Variants in ERLIN1 observed in about 807,000 individuals in gnomAD.
ERLIN1 encodes the protein erlin-1.
Under a neutral mutation model 46.9 loss-of-function variants are expected in ERLIN1, and 24 were observed. The observed-to-expected ratio is 0.51, with a 90% confidence interval of 0.37 to 0.72. ERLIN1 has a LOEUF of 0.72. Among genes scored for constraint, ERLIN1 ranks in the 30% least tolerant of loss-of-function variants. ERLIN1 has a pLI of 0.00. For missense variants in ERLIN1, 293 were observed against 417.9 expected, an observed-to-expected ratio of 0.70 and a Z score of 2.61; for synonymous variants, 158 against 143.2, an observed-to-expected ratio of 1.10 and a Z score of -0.74.
At chr10:100,156,844 T>A (rs1006687869) in intron 8 of ERLIN1, among the ~76,000 whole-genome samples, 1 of 151,924 alleles carries the variant, frequency 6.6e-6, no homozygotes, top group African/African-American at 2.4e-5. Flanking sequence ...GAGACCTCCA[T>A]CTCTAGAAAA....
At chr10:100,183,677 T>G in intron 2 of ERLIN1, 79 bp downstream of exon 2, 1 of 902,250 alleles carries the variant, frequency 1.1e-6, no homozygotes, top group Non-Finnish European at 1.8e-6. Flanking sequence ...AATAAGGAAA[T>G]CTATCTCCAC....
intron 5 of ERLIN1, 27 bp from the exon 6 acceptor site, chr10:100,174,308 T>G (rs565168013): frequency 6.6e-7 from 1 of 1,509,594 alleles, no homozygotes; most frequent in South Asian, 1.2e-5. Flanking sequence ...GAACAACAGA[T>G]CTCATGATAG....
chr10:100,172,397 A>G (rs1345182684), intron 6 of ERLIN1, among the ~76,000 whole-genome samples: 3 of 152,212 alleles, frequency 2.0e-5, no homozygotes, highest in African/African-American at 4.8e-5. Flanking sequence ...TTTATTCTTC[A>G]TCATTTTCCT....
chr10:100,152,823 C>T (rs1342599666), intron 10 of ERLIN1, among the ~76,000 whole-genome samples: 34 of 151,912 alleles, frequency 2.2e-4, no homozygotes, highest in Admixed American at 1.3e-3. Context: ...CCCAAAGTGT[C>T]GGAATCAAAG....
rs1589561903 is a variant in ERLIN1, at chr10:100,183,440, A to G, written c.195+316T>C. Among the ~76,000 whole-genome samples the G allele has an allele frequency of 2.0e-5, 3 of 152,228 alleles. No homozygotes were observed. In the South Asian group the frequency reaches 6.2e-4, roughly 31 times the overall value. On this transcript the variant is annotated intron_variant, in intron 2 of 10. Transcript: ENST00000421367. ...CTAAACCACATAATCACTGGTTTGT[A>G]TGTCTAGTTGTGTTTCTAATTCTTA...
intron 8 of ERLIN1, 76 bp from the exon 9 acceptor site, chr10:100,156,310 A>G (rs944598161): frequency 1.2e-6 from 1 of 847,966 alleles, no homozygotes; most frequent in African/African-American, 1.7e-5. Flanking sequence ...CCAGCAGCAC[A>G]CAGTCTAACA....
chr10:100,185,924 G>C lies in ERLIN1; in HGVS notation c.-298C>G, dbSNP rs1005217088. The C allele has an allele frequency of 2.2e-6, 1 of 454,438 alleles. No individual in the cohort carries two copies. The highest frequency in any genetic ancestry group is 3.9e-6 in the Non-Finnish European group (1 of 258,016). The allele number at this position is 454,438 out of a possible 1,614,324, so 28.2% of individuals were successfully genotyped here. On this transcript the variant is annotated 5_prime_UTR_variant, in exon 1 of 11. Transcript: ENST00000421367. ...CTAACTGAGAAGAAGCCCAGCCGCA[G>C]GCTCGCGAGGAAAGCCGACCCCTCG...
At chr10:100,175,924 C>A in intron 5 of ERLIN1, 21 bp downstream of exon 5, 1 of 1,608,054 alleles carries the variant, frequency 6.2e-7, no homozygotes, top group Non-Finnish European at 8.5e-7. Flanking sequence ...TATTTACATA[C>A]ATAAGAATTA....
intron 6 of ERLIN1, among the ~76,000 whole-genome samples, chr10:100,173,479 A>G (rs1342664243): frequency 6.6e-6 from 1 of 152,106 alleles, no homozygotes; most frequent in Non-Finnish European, 1.5e-5. Flanking sequence ...ATTCTATTCC[A>G]TTTTATTTAA....
In ERLIN1 at chr10:100,172,834, G is replaced by T. The variant is rs145652665; in HGVS notation, c.504+1374C>A. Among the ~76,000 whole-genome samples the T allele has an allele frequency of 9.8e-3, 1,496 of 152,270 alleles. 25 individuals are homozygous for T. Among genetic ancestry groups the T allele is most frequent in the African/African-American group, 0.035 (1,440 of 41,540 alleles). ...GCAAAAAACTGGGAACAGAAAAATG[G>T]CTAAGTAATATAAGGCAAGGAATTC... On this transcript the variant is annotated intron_variant, in intron 6 of 10. Coordinates refer to ENST00000421367, the MANE Select transcript of ERLIN1 (RefSeq NM_006459.4).
chr10:100,152,390 C>T, intron 10 of ERLIN1, 38 bp from the exon 11 acceptor site: 4 of 1,140,552 alleles, frequency 3.5e-6, no homozygotes, highest in Non-Finnish European at 5.4e-6. Context: ...CATCAGAATA[C>T]TCTGGTGCAA....
At chr10:100,180,369 A>C (rs1031382937) in intron 2 of ERLIN1, among the ~76,000 whole-genome samples, 6 of 152,264 alleles carry the variant, frequency 3.9e-5, no homozygotes, top group Admixed American at 6.5e-5. Flanking sequence ...CAATGCAATC[A>C]ATCCATCAAC....
chr10:100,179,827 C>G (rs974605701), intron 2 of ERLIN1, among the ~76,000 whole-genome samples: 2 of 152,164 alleles, frequency 1.3e-5, no homozygotes, highest in Non-Finnish European at 2.9e-5. Flanking sequence ...GTAGAAAACT[C>G]TTCCAGAGTC....
chr10:100,152,430 C>T lies in ERLIN1; in HGVS notation c.826-78G>A, dbSNP rs140863231. On this transcript the variant is annotated intron_variant, in intron 10 of 10. Transcript: ENST00000421367. Reference sequence around the variant, plus strand: ...CTTCTCTCTCCCTATATACATTTCACCTATTGCTCTCCTGAGTATCATGAG... The same window carrying T: ...CTTCTCTCTCCCTATATACATTTCATCTATTGCTCTCCTGAGTATCATGAG... The T allele has an allele frequency of 8.1e-4, 690 of 852,632 alleles. 7 individuals carry two copies. In the African/African-American group the frequency reaches 0.01, roughly 13 times the overall value. 52.8% of individuals were successfully genotyped at this position (852,632 alleles called of 1,614,324 possible).
At chr10:100,174,646 T>C (rs907774509) in intron 5 of ERLIN1, among the ~76,000 whole-genome samples, 2 of 152,244 alleles carry the variant, frequency 1.3e-5, no homozygotes, top group Non-Finnish European at 2.9e-5. Context: ...GGATCTCTAG[T>C]ATCTTAATTC....
chr10:100,150,095 G>C lies in ERLIN1; in HGVS notation c.*2036C>G, dbSNP rs1473135982. 2 of 152,110 alleles carry C rather than the reference G, an allele frequency of 1.3e-5. No individual in the cohort carries two copies. The highest frequency in any genetic ancestry group is 2.9e-5 in the Non-Finnish European group (2 of 68,008). 9.4% of individuals were successfully genotyped at this position (152,110 alleles called of 1,614,324 possible). A position where few individuals can be genotyped will look rare whatever the true frequency, so the allele number is the denominator to read the frequency against. On this transcript the variant is annotated 3_prime_UTR_variant, in exon 11 of 11. Transcript: ENST00000421367. ...GTGGGAAAAAAAAACACAAATCACT[G>C]ATAGTAAAATAATTTTATTTAGTTT...
At chr10:100,182,455 C>A (rs1271125959) in intron 2 of ERLIN1, among the ~76,000 whole-genome samples, 8 of 152,240 alleles carry the variant, frequency 5.3e-5, no homozygotes, top group African/African-American at 1.7e-4. Context: ...AAGTCTATGA[C>A]AGTTAAGCAA....
Position 100,185,962 on chromosome 10 carries a change from C to T in ERLIN1, c.-336G>A. 3 of 461,602 alleles carry T rather than the reference C, an allele frequency of 6.5e-6. No individual in the cohort carries two copies. The East Asian group carries it at 1.0e-4, about 16-fold the overall frequency. 28.6% of individuals were successfully genotyped at this position (461,602 alleles called of 1,614,324 possible). On this transcript the variant is annotated 5_prime_UTR_variant, in exon 1 of 11. Transcript: ENST00000421367. The stretch of plus-strand genomic sequence containing the variant: ...AGCCGACCCCTCGGCCGCGCCTCAC[C>T]GATCAGTGACGCATCGCCCCCGCCC...
intron 8 of ERLIN1, among the ~76,000 whole-genome samples, chr10:100,160,544 A>T (rs1201714510): frequency 6.6e-6 from 1 of 152,228 alleles, no homozygotes; most frequent in African/African-American, 2.4e-5. Context: ...AAATGTATAT[A>T]ATGACCTATA....
Sources: allele counts gnomAD v4.1 joint callset (sites outside exome capture counted in the v4.1 genomes callset), GRCh38; gene constraint gnomAD v4.1.1; transcripts MANE v1.5; gene names NCBI Gene and HGNC (gene_info 2026-07-23, HGNC 2026-07-21).